EIF2AK4: variants seen among roughly 807,000 people sequenced by gnomAD.
EIF2AK4 encodes eIF-2-alpha kinase GCN2.
In EIF2AK4, 139 loss-of-function variants were observed where a neutral mutation model predicts 211.1. The observed-to-expected ratio is 0.66, with a 90% CI of 0.57 to 0.76. The LOEUF (loss-of-function observed/expected upper bound fraction) is 0.76. Ranked by LOEUF, EIF2AK4 falls within the 30% of genes least tolerant of loss-of-function variation. The probability of loss-of-function intolerance (pLI) is 0.00; values close to 1 mark genes in which losing one functional copy is unlikely to be tolerated. For synonymous variants in EIF2AK4, 710 were observed against 751.3 expected (o/e 0.94, Z 0.90); for missense variants, 1,664 against 2,043.8 (o/e 0.81, Z 3.58).
rs587777105 is a variant in EIF2AK4 at position 40,007,064 on chromosome 15, C to T, written c.3406C>T (p.Arg1136Ter). 25 of 1,589,426 alleles carry T rather than the reference C, an allele frequency of 1.6e-5. No homozygotes were observed. The highest frequency in any genetic ancestry group is 2.2e-5 in the East Asian group (1 of 44,624). ...AAGAAATAATATATTGAATTTAAAA[C>T]GGTAAGAAACAATAGGAGATTCCAT... Reference protein sequence around the residue: ...VARNNILNLKRYCIERVFRPR... With the variant: ...VARNNILNLK The change falls in exon 24 of 39, where the codon CGA becomes TGA. Residue 1136 changes from arginine (R) to a stop codon, truncating the protein, a stop_gained and splice_region_variant. Coordinates refer to ENST00000263791, the MANE Select transcript of EIF2AK4 (RefSeq NM_001013703.4). LOFTEE classifies it high-confidence loss of function.
intron 16 of EIF2AK4, 22 bp downstream of exon 16, chr15:39,990,399 C>G: frequency 2.5e-6 from 4 of 1,594,232 alleles, no homozygotes; most frequent in Non-Finnish European, 3.4e-6. Context: ...AAAAATTAGA[C>G]TGTACCTAAA....
At position 39,934,147 on chromosome 15, in the gene EIF2AK4, G is replaced by A; in HGVS notation, c.-49G>A. 10 of 1,262,558 alleles carry A rather than the reference G, an allele frequency of 7.9e-6. No homozygotes were observed. In the South Asian group the frequency reaches 2.7e-4, roughly 35 times the overall value. The allele number at this position is 1,262,558 out of a possible 1,614,324, so 78.2% of individuals were successfully genotyped here. The stretch of plus-strand genomic sequence containing the variant: ...AGCCCCGCCCCGCAGGCTGCCGGGG[G>A]CCCACCGCCGCCCAGGCAAGGCCGC... On this transcript the variant is annotated 5_prime_UTR_variant, in exon 1 of 39. Transcript: ENST00000263791.
chr15:39,979,384 T>G (rs2034748058), intron 13 of EIF2AK4, among the ~76,000 whole-genome samples: 1 of 152,170 alleles, frequency 6.6e-6, no homozygotes. Context: ...CAATGGAAGA[T>G]TCATAAAACA....
At chr15:40,019,737 C>T (rs1248054529) in intron 30 of EIF2AK4, among the ~76,000 whole-genome samples, 1 of 152,146 alleles carries the variant, frequency 6.6e-6, no homozygotes, top group African/African-American at 2.4e-5. Context: ...GAAACCAGTC[C>T]CTGGTGCCAA....
At chr15:40,017,519 A>ATGTG (rs1374725740) in intron 29 of EIF2AK4, among the ~76,000 whole-genome samples, 2 of 14,776 alleles carry the variant, frequency 1.4e-4, no homozygotes, top group African/African-American at 5.8e-4. Flanking sequence ...ATATATATAT[A>ATGTG]TATATATATA....
intron 1 of EIF2AK4, among the ~76,000 whole-genome samples, chr15:39,935,932 A>G (rs987376238): frequency 2.0e-5 from 3 of 152,180 alleles, no homozygotes; most frequent in Admixed American, 6.5e-5. Flanking sequence ...GAAGTTGGTG[A>G]CTGGGGAACT....
intron 13 of EIF2AK4, among the ~76,000 whole-genome samples, chr15:39,981,156 G>T (rs2034776962): frequency 6.6e-6 from 1 of 152,186 alleles, no homozygotes; most frequent in African/African-American, 2.4e-5. Flanking sequence ...TGGATCACCT[G>T]AGGTCAAGAG....
chr15:40,033,793 G>A (rs373771127), intron 37 of EIF2AK4, among the ~76,000 whole-genome samples: 1 of 152,120 alleles, frequency 6.6e-6, no homozygotes, highest in African/African-American at 2.4e-5. Flanking sequence ...TTGGGAGGCC[G>A]ACGTGGGTGG....
chr15:40,009,408 A>G (rs145134442), intron 25 of EIF2AK4, among the ~76,000 whole-genome samples: 1 of 152,066 alleles, frequency 6.6e-6, no homozygotes, highest in Non-Finnish European at 1.5e-5. Context: ...TACTTTGGAT[A>G]TATATAATAT....
chr15:39,956,835 T>A (rs374223332), intron 6 of EIF2AK4, among the ~76,000 whole-genome samples: 33 of 152,344 alleles, frequency 2.2e-4, no homozygotes, highest in African/African-American at 7.5e-4. Context: ...AGAAACATTT[T>A]AGGCACCAAA....
At position 39,985,899 on chromosome 15, in the gene EIF2AK4, G is replaced by C; in HGVS notation, c.2403+11G>C. 1 of 1,613,288 alleles carries C rather than the reference G, an allele frequency of 6.2e-7. No homozygotes were observed. The highest frequency in any genetic ancestry group is 8.5e-7 in the Non-Finnish European group (1 of 1,179,570). On this transcript the variant is annotated intron_variant, in intron 14 of 38. Coordinates refer to ENST00000263791, the MANE Select transcript of EIF2AK4 (RefSeq NM_001013703.4). ...TACCTATACATCCAGGTGAGGTCGT[G>C]GTGTGTAGTTAGGTGACACAGCAAC...
intron 20 of EIF2AK4, among the ~76,000 whole-genome samples, chr15:39,999,323 A>T (rs1312482196): frequency 2.0e-5 from 3 of 151,910 alleles, no homozygotes; most frequent in Non-Finnish European, 2.9e-5. Flanking sequence ...AGCAAATATT[A>T]AAAAAAATAT....
chr15:39,970,181 C>G (rs1314366428), intron 9 of EIF2AK4, among the ~76,000 whole-genome samples: 1 of 152,180 alleles, frequency 6.6e-6, no homozygotes, highest in Non-Finnish European at 1.5e-5. Context: ...GGCATTTTAT[C>G]CCTTTTTGTT....
At chr15:39,995,100 C>T (rs2035001482) in intron 18 of EIF2AK4, among the ~76,000 whole-genome samples, 1 of 152,128 alleles carries the variant, frequency 6.6e-6, no homozygotes, top group South Asian at 2.1e-4. Flanking sequence ...CCTCAGCCTC[C>T]CAAAGTGCTG....
intron 37 of EIF2AK4, 27 bp from the exon 38 acceptor site, chr15:40,034,299 G>A: frequency 2.5e-6 from 4 of 1,590,892 alleles, no homozygotes; most frequent in Non-Finnish European, 3.4e-6. Flanking sequence ...GAGACCTGTT[G>A]TTAAGTCTTA....
At chr15:39,941,182 T>G (rs1469704181) in intron 2 of EIF2AK4, among the ~76,000 whole-genome samples, 2 of 152,180 alleles carry the variant, frequency 1.3e-5, no homozygotes, top group Admixed American at 1.3e-4. Context: ...GTAGAGATGA[T>G]TGATTAATTA....
At chr15:39,949,713 A>G (rs1482472307) in intron 4 of EIF2AK4, among the ~76,000 whole-genome samples, 1 of 152,198 alleles carries the variant, frequency 6.6e-6, no homozygotes, top group Admixed American at 6.5e-5. Context: ...AAGACAGTTA[A>G]TATCTACGCA....
At chr15:39,998,558 A>G (rs2035052417) in intron 19 of EIF2AK4, among the ~76,000 whole-genome samples, 173 bp from the exon 20 acceptor site, 1 of 152,202 alleles carries the variant, frequency 6.6e-6, no homozygotes, top group South Asian at 2.1e-4. Context: ...AGTTTATATT[A>G]AAATAATATG....
At chr15:40,030,594 C>T (rs1327881422) in intron 35 of EIF2AK4, 138 bp downstream of exon 35, 13 of 867,400 alleles carry the variant, frequency 1.5e-5, no homozygotes, top group Non-Finnish European at 2.1e-5. Flanking sequence ...TTCCAACTTG[C>T]CTAACTGGGT....
Sources: gnomAD v4.1 joint callset for allele counts (sites outside exome capture counted in the v4.1 genomes callset) on GRCh38, gnomAD v4.1.1 for gene constraint, MANE v1.5 for transcripts, NCBI Gene and HGNC (gene_info 2026-07-23, HGNC 2026-07-21) for gene names.